IGF1R: variants seen among roughly 807,000 people sequenced by gnomAD.
The protein encoded by IGF1R is insulin like growth factor 1 receptor.
In IGF1R, 44 loss-of-function variants were observed where a neutral mutation model predicts 144.6. The ratio of observed to expected loss-of-function variants is 0.30; its 90% confidence interval spans 0.24 to 0.39. The LOEUF is 0.39. IGF1R is among the 10% of genes least tolerant of loss of function. The pLI is 1.00. For synonymous variants in IGF1R, 795 were observed against 722.8 expected (o/e 1.10, Z -1.60); for missense variants, 1,355 against 1,833.7 (o/e 0.74, Z 4.77).
chr15:98,879,374 T>C (rs1014160022), intron 2 of IGF1R, among the ~76,000 whole-genome samples: 19 of 152,304 alleles, frequency 1.2e-4, no homozygotes, highest in African/African-American at 4.6e-4. Context: ...TTTTTTCCCT[T>C]GCTGCCATCT....
chr15:98,956,583 G>A (rs1402867434), intron 20 of IGF1R, among the ~76,000 whole-genome samples: 1 of 152,212 alleles, frequency 6.6e-6, no homozygotes, highest in African/African-American at 2.4e-5. Context: ...TAGCACAGGT[G>A]GGAACCGGAG....
rs35664387 is a variant in IGF1R at position 98,963,184 on chromosome 15, CTGTG to C, written c.*5747_*5750del. 1.8e-5 allele frequency: 4 copies of C among 222,330 alleles called. No individual in the cohort carries two copies. The highest frequency in any genetic ancestry group is 2.0e-4 in the South Asian group (1 of 5,006). 13.8% of individuals were successfully genotyped at this position (222,330 alleles called of 1,614,324 possible). On this transcript the variant is annotated 3_prime_UTR_variant, in exon 21 of 21. Coordinates refer to ENST00000650285, the MANE Select transcript of IGF1R (RefSeq NM_000875.5). ...TAATTTAAAGACACTTTTTTTTTCT[CTGTG>C]TGTGCAAATGTGTGTTTGTGATCCA...
chr15:98,907,253 G>T (rs1366076868), intron 5 of IGF1R, among the ~76,000 whole-genome samples: 2 of 152,208 alleles, frequency 1.3e-5, no homozygotes, highest in Non-Finnish European at 2.9e-5. Flanking sequence ...ACCATAATTT[G>T]TGCTTTACTG....
chr15:98,694,857 C>T (rs1253334902), intron 1 of IGF1R, among the ~76,000 whole-genome samples: 1 of 152,098 alleles, frequency 6.6e-6, no homozygotes, highest in East Asian at 1.9e-4. Flanking sequence ...AAAGTTTGAA[C>T]TGTGTGTAAG....
chr15:98,819,841 G>A (rs1187223065), intron 2 of IGF1R, among the ~76,000 whole-genome samples: 1 of 152,180 alleles, frequency 6.6e-6, no homozygotes, highest in Non-Finnish European at 1.5e-5. Flanking sequence ...TGTTTTATGT[G>A]TTTAATCTCT....
chr15:98,670,162 A>T (rs997663107), intron 1 of IGF1R, among the ~76,000 whole-genome samples: 31 of 152,262 alleles, frequency 2.0e-4, no homozygotes, highest in Middle Eastern at 3.4e-3. Context: ...TCTTGAGAAG[A>T]TAAGGTGTGC....
chr15:98,869,967 C>T (rs8032259), intron 2 of IGF1R, among the ~76,000 whole-genome samples: 1,958 of 152,110 alleles, frequency 0.013, 55 homozygotes, highest in African/African-American at 0.045. Flanking sequence ...ACAATGTGTG[C>T]ATTACAAGTA....
intron 8 of IGF1R, among the ~76,000 whole-genome samples, chr15:98,914,399 G>A (rs1329424169): frequency 6.6e-6 from 1 of 152,150 alleles, no homozygotes; most frequent in African/African-American, 2.4e-5. Flanking sequence ...CAGAGAGGAG[G>A]GTGAGAAGAA....
At chr15:98,650,940 G>C (rs1465714520) in intron 1 of IGF1R, 3 of 985,082 alleles carry the variant, frequency 3.0e-6, no homozygotes, top group Non-Finnish European at 2.4e-6. Context: ...CGGTGTCTAC[G>C]GCCGGAGGAG....
intron 11 of IGF1R, among the ~76,000 whole-genome samples, chr15:98,922,886 G>A (rs1241049940): frequency 6.6e-6 from 1 of 152,154 alleles, no homozygotes; most frequent in East Asian, 1.9e-4. Flanking sequence ...TTAGTCTTTG[G>A]CTTTCCCTTG....
intron 2 of IGF1R, among the ~76,000 whole-genome samples, chr15:98,850,018 C>T (rs2011475474): frequency 6.6e-6 from 1 of 152,196 alleles, no homozygotes; most frequent in Admixed American, 6.5e-5. Context: ...CTTTGACCCA[C>T]CAATCTTAGA....
chr15:98,758,164 C>G (rs867012685), intron 2 of IGF1R, among the ~76,000 whole-genome samples: 2 of 151,576 alleles, frequency 1.3e-5, no homozygotes, highest in South Asian at 2.1e-4. Flanking sequence ...ATCTGATACT[C>G]TAGAGCAACA....
chr15:98,862,706 C>T (rs897270399), intron 2 of IGF1R, among the ~76,000 whole-genome samples: 1 of 152,200 alleles, frequency 6.6e-6, no homozygotes, highest in Non-Finnish European at 1.5e-5. Context: ...TATTGATTTG[C>T]ATGTATCCTT....
At chr15:98,808,511 T>C (rs11247375) in intron 2 of IGF1R, among the ~76,000 whole-genome samples, 139,112 of 152,060 alleles carry the variant, frequency 0.91, 64,212 homozygotes, top group Middle Eastern at 0.98. Flanking sequence ...TAAAAGCAAG[T>C]AAGTTTAATA....
intron 2 of IGF1R, among the ~76,000 whole-genome samples, chr15:98,793,494 A>G (rs1458763244): frequency 6.6e-6 from 1 of 152,232 alleles, no homozygotes; most frequent in Non-Finnish European, 1.5e-5. Context: ...TGATTTTACC[A>G]GCAGTCAGAA....
Position 98,896,737 on chromosome 15 carries a change from T to G in IGF1R, c.954-20T>G. 6 of 1,613,474 alleles carry G rather than the reference T, an allele frequency of 3.7e-6. No homozygotes were observed. Among genetic ancestry groups the G allele is most frequent in the South Asian group, 2.2e-5 (2 of 91,026 alleles). On this transcript the variant is annotated intron_variant, in intron 3 of 20. Coordinates refer to ENST00000650285, the MANE Select transcript of IGF1R (RefSeq NM_000875.5). ...GACTCAATTATGTGTGTTTTTGATT[T>G]TTTTTTTCTTCTTCAACAGCATGTA...
In IGF1R at chr15:98,960,566, G is replaced by A. The variant is rs545679248; in HGVS notation, c.*3124G>A. ...CTGTGCGAATCCCCAGGGTAAAGGCGTGGGGCATTGGGTTTGCTCCCCTTG... is the reference window on the plus strand; with the variant it reads ...CTGTGCGAATCCCCAGGGTAAAGGCATGGGGCATTGGGTTTGCTCCCCTTG... On this transcript the variant is annotated 3_prime_UTR_variant, in exon 21 of 21. Coordinates refer to ENST00000650285, the MANE Select transcript of IGF1R (RefSeq NM_000875.5). The A allele has an allele frequency of 2.1e-5, 5 of 233,474 alleles. No homozygotes were observed. Among genetic ancestry groups the A allele is most frequent in the African/African-American group, 4.4e-5 (2 of 45,368 alleles). 14.5% of individuals were successfully genotyped at this position (233,474 alleles called of 1,614,324 possible).
chr15:98,726,377 G>C (rs901134383), intron 2 of IGF1R, among the ~76,000 whole-genome samples: 1 of 152,142 alleles, frequency 6.6e-6, no homozygotes, highest in African/African-American at 2.4e-5. Context: ...CTCTGAAGAA[G>C]GCTAGGCACC....
intron 2 of IGF1R, among the ~76,000 whole-genome samples, chr15:98,879,255 T>C (rs1239278636): frequency 6.6e-6 from 1 of 152,216 alleles, no homozygotes; most frequent in East Asian, 1.9e-4. Context: ...CAGAGTACAC[T>C]AGAATATTTT....
Sources: gnomAD v4.1 joint callset for allele counts (sites outside exome capture counted in the v4.1 genomes callset) on GRCh38, gnomAD v4.1.1 for gene constraint, MANE v1.5 for transcripts, NCBI Gene and HGNC (gene_info 2026-07-23, HGNC 2026-07-21) for gene names.